Variants in ACVR2B observed in about 807,000 individuals in gnomAD.
The protein encoded by ACVR2B is activin A receptor type 2B.
A neutral mutation model predicts 65.1 loss-of-function variants in ACVR2B; 18 were observed. The ratio of observed to expected loss-of-function variants is 0.28; its 90% CI spans 0.19 to 0.41. ACVR2B has a LOEUF of 0.41. Among genes scored for constraint, ACVR2B ranks in the 10% least tolerant of loss-of-function variants. The pLI, the probability that ACVR2B is intolerant of heterozygous loss-of-function variation, is 1.00. For missense variants in ACVR2B, 482 were observed against 682.7 expected (o/e 0.71, Z 3.28); for synonymous variants, 298 against 277.7 (o/e 1.07, Z -0.73).
chr3:38,476,173 AG>A, intron 1 of ACVR2B: 1 of 152,248 alleles, frequency 6.6e-6, no homozygotes, highest in East Asian at 1.9e-4. Context: ...GGGTAGTGGG[AG>A]TAGACTGGGG....
chr3:38,470,153 T>C (rs956719555), intron 1 of ACVR2B, among the ~76,000 whole-genome samples: 2 of 152,128 alleles, frequency 1.3e-5, no homozygotes, highest in African/African-American at 4.8e-5. Context: ...TTCAGAATCA[T>C]AGAATTTGGA....
At chr3:38,454,506 C>CGGGGGAGTGGGCT in intron 1 of ACVR2B, 132 bp downstream of exon 1, 1 of 837,028 alleles carries the variant, frequency 1.2e-6, no homozygotes, top group Non-Finnish European at 1.6e-6. Flanking sequence ...CCCTCACCTC[C>CGGGGGAGTGGGCT]GGGGGCGTGG....
intron 1 of ACVR2B, among the ~76,000 whole-genome samples, chr3:38,462,559 C>T (rs1210306171): frequency 1.3e-5 from 2 of 152,210 alleles, no homozygotes; most frequent in African/African-American, 4.8e-5. Context: ...GCTTTGTGTC[C>T]ATCTTTTCCT....
intron 1 of ACVR2B, chr3:38,475,508 C>T (rs1056771063): frequency 6.6e-6 from 1 of 152,220 alleles, no homozygotes; most frequent in Non-Finnish European, 1.5e-5. Flanking sequence ...CCTTGAGATT[C>T]GTTGCTTGCT....
Position 38,492,779 on chromosome 3 carries a change from CACACACACACACACACACACACACATA to C in ACVR2B, c.*9448_*9474del, listed in dbSNP as rs1559662893. 1.5e-4 allele frequency: 7 copies of C among 48,198 alleles called. No individual in the cohort carries two copies. Among genetic ancestry groups the C allele is most frequent in the African/African-American group, 4.5e-4 (7 of 15,658 alleles). The allele number at this position is 48,198 out of a possible 1,614,324, so 3.0% of individuals were successfully genotyped here. On this transcript the variant is annotated 3_prime_UTR_variant, in exon 11 of 11. Coordinates refer to ENST00000352511, the MANE Select transcript of ACVR2B (RefSeq NM_001106.4). ...ACACACACACACACACACACACACACACACACACACACACACACACACACATACACCTAAAATGGCCTAAAGCAGACA... is the reference window on the plus strand; with the variant it reads ...ACACACACACACACACACACACACACCACCTAAAATGGCCTAAAGCAGACA...
At chr3:38,465,892 CAG>C (rs536857427) in intron 1 of ACVR2B, among the ~76,000 whole-genome samples, 29 of 152,114 alleles carry the variant, frequency 1.9e-4, no homozygotes, top group Non-Finnish European at 2.9e-4. Flanking sequence ...AAAACAAAGA[CAG>C]AATGTTGAAA....
In ACVR2B at chr3:38,478,262, G is replaced by C; in HGVS notation, c.492G>C (p.Lys164Asn). The C allele has an allele frequency of 1.9e-6, 3 of 1,614,102 alleles. No homozygotes were observed. Among genetic ancestry groups the C allele is most frequent in the Non-Finnish European group, 2.5e-6 (3 of 1,180,020 alleles). Residue 164 changes from lysine to asparagine, a missense_variant, in exon 4 of 11, where the codon AAG (lysine) becomes AAC (asparagine). Physicochemically the swap from Lys to Asn is moderately conservative, Grantham distance 94. Transcript: ENST00000352511. ...CCTTTTGGATGTACCGGCATCGCAAGCCCCCCTACGGTCATGTGGACATCC... is the reference window on the plus strand; with the variant it reads ...CCTTTTGGATGTACCGGCATCGCAACCCCCCCTACGGTCATGTGGACATCC... ...LLAFWMYRHR[K>N]PPYGHVDIHE...
chr3:38,481,233 A>G lies in ACVR2B; in HGVS notation c.960-118A>G, dbSNP rs1316399478. The G allele has an allele frequency of 3.6e-6, 3 of 843,144 alleles. No homozygotes were observed. The highest frequency in any genetic ancestry group is 4.9e-5 in the East Asian group (2 of 40,686). 52.2% of individuals were successfully genotyped at this position (843,144 alleles called of 1,614,324 possible). On this transcript the variant is annotated intron_variant, in intron 7 of 10. Coordinates refer to ENST00000352511, the MANE Select transcript of ACVR2B (RefSeq NM_001106.4). This position sits in a 1 kb window ranked among gnomAD's most constrained non-coding sequence, Gnocchi z 4.7. Reference sequence around the variant, plus strand: ...GCTGCTTCACCTCTGCACCCCAGGTAGGGTGGGATGGCCTGGTCTGGGGCC... The same window carrying G: ...GCTGCTTCACCTCTGCACCCCAGGTGGGGTGGGATGGCCTGGTCTGGGGCC...
Position 38,481,311 on chromosome 3 carries a change from CA to C in ACVR2B, c.960-39del. On this transcript the variant is annotated intron_variant, in intron 7 of 10. Coordinates refer to ENST00000352511, the MANE Select transcript of ACVR2B (RefSeq NM_001106.4). This position sits in a 1 kb window ranked among gnomAD's most constrained non-coding sequence, Gnocchi z 4.7. ...TTGGGAACCAAGGTGGGAGTTGGAT[CA>C]TGATGTTAAGCTTTATCTCTGCCCA... The C allele has an allele frequency of 6.5e-7, 1 of 1,535,212 alleles. No individual in the cohort carries two copies. Among genetic ancestry groups the C allele is most frequent in the Non-Finnish European group, 9.0e-7 (1 of 1,108,508 alleles).
Position 38,477,581 on chromosome 3 carries a change from T to C in ACVR2B, c.260+87T>C, listed in dbSNP as rs2125722458. On this transcript the variant is annotated intron_variant, in intron 2 of 10. Coordinates refer to ENST00000352511, the MANE Select transcript of ACVR2B (RefSeq NM_001106.4). This position sits in a 1 kb window ranked among gnomAD's most constrained non-coding sequence, Gnocchi z 6.7. ...CCATTTGGGTCTCAGGATGTCTGAG[T>C]GGGAGATAAAGGACCAAGAAGGGGC... 1 of 1,468,558 alleles carries C rather than the reference T, an allele frequency of 6.8e-7. No individual in the cohort carries two copies. The highest frequency in any genetic ancestry group is 2.4e-5 in the East Asian group (1 of 40,940). 91.0% of individuals were successfully genotyped at this position (1,468,558 alleles called of 1,614,324 possible). A position where few individuals can be genotyped will look rare whatever the true frequency, so the allele number is the denominator to read the frequency against.
At position 38,486,848 on chromosome 3, in the gene ACVR2B, G is replaced by A. The variant is rs922264104; in HGVS notation, c.*3516G>A. The A allele has an allele frequency of 5.9e-5, 9 of 152,336 alleles. No homozygotes were observed. Among genetic ancestry groups the A allele is most frequent in the Non-Finnish European group, 8.8e-5 (6 of 68,124 alleles). 9.4% of individuals were successfully genotyped at this position (152,336 alleles called of 1,614,324 possible). On this transcript the variant is annotated 3_prime_UTR_variant, in exon 11 of 11. Coordinates refer to ENST00000352511, the MANE Select transcript of ACVR2B (RefSeq NM_001106.4). ...GAAATCCAGTAATGAGCAGAAGGAG[G>A]AAGCAAGTGAGGACAGAGGCCATTG...
chr3:38,481,047 C>T lies in ACVR2B; in HGVS notation c.960-304C>T, dbSNP rs1350039875. On this transcript the variant is annotated intron_variant, in intron 7 of 10. Transcript: ENST00000352511. This position sits in a 1 kb window ranked among gnomAD's most constrained non-coding sequence, Gnocchi z 4.7. ...GCCAGTGTGCCTGTCCACAACCCCT[C>T]TGAGAATATATGGGCTGGCCTTTGA... is the stretch of plus-strand genomic sequence containing the variant. 6.6e-6 allele frequency among the ~76,000 whole-genome samples: 1 copy of T among 152,242 alleles called. No homozygotes were observed. The highest frequency in any genetic ancestry group is 1.5e-5 in the Non-Finnish European group (1 of 68,042).
chr3:38,463,196 G>A (rs1157253883), intron 1 of ACVR2B, among the ~76,000 whole-genome samples: 1 of 152,156 alleles, frequency 6.6e-6, no homozygotes, highest in East Asian at 1.9e-4. Context: ...CTGGGTTTGG[G>A]ATGGAAGTGC....
At chr3:38,467,595 A>G (rs1283416770) in intron 1 of ACVR2B, among the ~76,000 whole-genome samples, 3 of 152,050 alleles carry the variant, frequency 2.0e-5, no homozygotes, top group Non-Finnish European at 4.4e-5. Flanking sequence ...TACAAAAAAA[A>G]AAAAATTAGC....
chr3:38,471,532 A>T (rs2125718393), intron 1 of ACVR2B, among the ~76,000 whole-genome samples: 1 of 152,314 alleles, frequency 6.6e-6, no homozygotes, highest in East Asian at 1.9e-4. Flanking sequence ...CAAATGTAAA[A>T]AAGAAGTCAT....
Position 38,488,811 on chromosome 3 carries a change from A to T in ACVR2B, c.*5479A>T, listed in dbSNP as rs1455297929. 6.6e-6 allele frequency: 1 copy of T among 152,180 alleles called. No homozygotes were observed. Among genetic ancestry groups the T allele is most frequent in the Non-Finnish European group, 1.5e-5 (1 of 68,032 alleles). 9.4% of individuals were successfully genotyped at this position (152,180 alleles called of 1,614,324 possible). A position where few individuals can be genotyped will look rare whatever the true frequency, so the allele number is the denominator to read the frequency against. On this transcript the variant is annotated 3_prime_UTR_variant, in exon 11 of 11. Transcript: ENST00000352511. ...ATTCTCTAAATGCCAATGTGTGGTG[A>T]TGGGCCCTGCACTGCCTTCATTTCT...
chr3:38,489,029 G>A lies in ACVR2B; in HGVS notation c.*5697G>A, dbSNP rs1268855325. ...CAAAGTTTACATTTTTGAGCTCACAGTTATGAAAAATATGACCCACAAGTT... is the reference window on the plus strand; with the variant it reads ...CAAAGTTTACATTTTTGAGCTCACAATTATGAAAAATATGACCCACAAGTT... On this transcript the variant is annotated 3_prime_UTR_variant, in exon 11 of 11. Transcript: ENST00000352511. 1.3e-5 allele frequency: 2 copies of A among 152,260 alleles called. No individual in the cohort carries two copies. Among genetic ancestry groups the A allele is most frequent in the Non-Finnish European group, 2.9e-5 (2 of 68,042 alleles). The allele number at this position is 152,260 out of a possible 1,614,324, so 9.4% of individuals were successfully genotyped here.
At chr3:38,455,422 C>G (rs1455520581) in intron 1 of ACVR2B, among the ~76,000 whole-genome samples, 1 of 152,108 alleles carries the variant, frequency 6.6e-6, no homozygotes, top group Non-Finnish European at 1.5e-5. Flanking sequence ...GCGGGTCCCC[C>G]GCCGCCCTCG....
At chr3:38,479,095 C>A in intron 5 of ACVR2B, 33 bp from the exon 6 acceptor site, 1 of 1,613,642 alleles carries the variant, frequency 6.2e-7, no homozygotes, top group South Asian at 1.1e-5. Context: ...AAGCCAGCCA[C>A]TTGTCCCCCC....
Sources: allele counts gnomAD v4.1 joint callset (sites outside exome capture counted in the v4.1 genomes callset), GRCh38; gene constraint gnomAD v4.1.1; non-coding constraint Gnocchi (gnomAD v3.1); transcripts MANE v1.5; gene names NCBI Gene and HGNC (gene_info 2026-07-23, HGNC 2026-07-21).